Variants in GIMAP1 observed in about 807,000 individuals in gnomAD.
GIMAP1 encodes GTPase IMAP family member 1.
For missense variants in GIMAP1, 423 were observed against 411.9 expected, an observed-to-expected ratio of 1.03 and a Z score of -0.23; for synonymous variants, 230 against 187.7, an observed-to-expected ratio of 1.23 and a Z score of -1.84.
In GIMAP1 at chr7:150,720,743, G is replaced by T. The variant is rs1476231665; in HGVS notation, c.739G>T (p.Val247Leu). ...EERLRRVAERVAARVQRRPWG... is the reference protein window; with the variant it reads ...EERLRRVAERLAARVQRRPWG... ...GCGGCTCCGGCGGGTGGCGGAGCGC[G>T]TGGCAGCCAGGGTGCAGAGGAGGCC... The change falls in exon 3 of 3, where the codon GTG becomes TTG. Residue 247 changes from valine (V) to leucine (L), a missense_variant. By Grantham distance (32) the Val-to-Leu change is conservative. Transcript: ENST00000307194. The surrounding 1 kb of genome is among the most constrained non-coding windows in gnomAD (Gnocchi z 4.5). The T allele has an allele frequency of 3.8e-6, 6 of 1,565,836 alleles. No individual in the cohort carries two copies. Among genetic ancestry groups the T allele is most frequent in the East Asian group, 2.4e-5 (1 of 41,944 alleles).
rs1289048402 is a variant in GIMAP1, at chr7:150,721,801, AAAAAAG to A, written c.*881_*886del. The stretch of plus-strand genomic sequence containing the variant: ...AAAGCAAGAATCTGTCTCAAAAAAA[AAAAAAG>A]AAAAGAAAAGAAAAAGAAAAAGAGT... On this transcript the variant is annotated 3_prime_UTR_variant, in exon 3 of 3. Coordinates refer to ENST00000307194, the MANE Select transcript of GIMAP1 (RefSeq NM_130759.4). The A allele has an allele frequency of 2.8e-5, 4 of 142,528 alleles. No individual in the cohort carries two copies. Among genetic ancestry groups the A allele is most frequent in the African/African-American group, 1.2e-4 (4 of 34,278 alleles). The allele number at this position is 142,528 out of a possible 1,614,324, so 8.8% of individuals were successfully genotyped here.
intron 1 of GIMAP1, among the ~76,000 whole-genome samples, chr7:150,718,257 T>C (rs1479741479): frequency 3.3e-5 from 5 of 152,180 alleles, no homozygotes; most frequent in African/African-American, 9.7e-5. Context: ...TATTACACAA[T>C]GTTAGATTTC....
chr7:150,719,685 T>C (rs1797267821), intron 2 of GIMAP1, among the ~76,000 whole-genome samples: 1 of 152,212 alleles, frequency 6.6e-6, no homozygotes, highest in Non-Finnish European at 1.5e-5. Context: ...TCCACACAGC[T>C]CTTCACTACC....
rs749622663 is a variant in GIMAP1 at position 150,720,301 on chromosome 7, G to A, written c.297G>A (p.Glu99=). ...TGTCCAAGACAGATCCTGGCTGTGA[G>A]GAGAGAGGTCACTGCTACCTGCTCT... The part of the protein sequence containing the change: ...SQVSKTDPGC[E]ERGHCYLLSA... Residue 99 remains glutamate (E), a synonymous_variant, in exon 3 of 3, where the codon GAG becomes GAA. Coordinates refer to ENST00000307194, the MANE Select transcript of GIMAP1 (RefSeq NM_130759.4). This position sits in a 1 kb window ranked among gnomAD's most constrained non-coding sequence, Gnocchi z 4.5. The A allele has an allele frequency of 4.3e-6, 7 of 1,614,226 alleles. No homozygotes were observed. Among genetic ancestry groups the A allele is most frequent in the African/African-American group, 4.0e-5 (3 of 75,066 alleles).
chr7:150,718,952 A>T, intron 1 of GIMAP1, 90 bp from the exon 2 acceptor site: 1 of 1,544,440 alleles, frequency 6.5e-7, no homozygotes, highest in Non-Finnish European at 8.9e-7. Flanking sequence ...ACTTTGCCTG[A>T]CACCCTGTAG....
At chr7:150,717,327 C>A (rs1797231757) in intron 1 of GIMAP1, among the ~76,000 whole-genome samples, 1 of 152,158 alleles carries the variant, frequency 6.6e-6, no homozygotes, top group Non-Finnish European at 1.5e-5. Flanking sequence ...AAGTTCTGAG[C>A]TGTGGACATC....
chr7:150,718,982 G>A (rs1797254558), intron 1 of GIMAP1, 60 bp from the exon 2 acceptor site: 2 of 1,599,722 alleles, frequency 1.3e-6, no homozygotes, highest in South Asian at 2.2e-5. Flanking sequence ...CCTATTTGTG[G>A]TTATGCCTAT....
At position 150,720,566 on chromosome 7, in the gene GIMAP1, T is replaced by A; in HGVS notation, c.562T>A (p.Phe188Ile). 2 of 1,613,578 alleles carry A rather than the reference T, an allele frequency of 1.2e-6. No homozygotes were observed. Among genetic ancestry groups the A allele is most frequent in the Non-Finnish European group, 1.7e-6 (2 of 1,179,766 alleles). ...VAECGGRVCA[F>I]DNRATGREQE... is the part of the protein sequence containing the mutation. ...CGAGTGCGGGGGCCGGGTCTGTGCC[T>A]TTGATAACCGGGCCACCGGCCGGGA... The change falls in exon 3 of 3, where the codon TTT becomes ATT. Residue 188 changes from phenylalanine to isoleucine, a missense_variant. Transcript: ENST00000307194. This position sits in a 1 kb window ranked among gnomAD's most constrained non-coding sequence, Gnocchi z 4.5.
Position 150,724,061 on chromosome 7 carries a change from C to G in GIMAP1, c.*3136C>G, listed in dbSNP as rs1262775313. 2 of 152,086 alleles carry G rather than the reference C, an allele frequency of 1.3e-5. No individual in the cohort carries two copies. The highest frequency in any genetic ancestry group is 2.9e-5 in the Non-Finnish European group (2 of 68,016). The allele number at this position is 152,086 out of a possible 1,614,324, so 9.4% of individuals were successfully genotyped here. ...TTCAGTTCCAGCCCGCACAGTAGCC[C>G]TAGCAAATGCCAGTGCTCCTTCCAG... On this transcript the variant is annotated 3_prime_UTR_variant, in exon 3 of 3. Coordinates refer to ENST00000307194, the MANE Select transcript of GIMAP1 (RefSeq NM_130759.4).
chr7:150,720,922 C>G lies in GIMAP1; in HGVS notation c.918C>G (p.Asp306Glu). The change falls in exon 3 of 3, where the codon GAC becomes GAG. Residue 306 changes from aspartate to glutamate, a missense_variant. Asp to Glu is a conservative substitution (Grantham distance 45). Coordinates refer to ENST00000307194, the MANE Select transcript of GIMAP1 (RefSeq NM_130759.4). This position sits in a 1 kb window ranked among gnomAD's most constrained non-coding sequence, Gnocchi z 4.5. ...AGGCCGTTGCGGAGGTCGGGCCTGA[C>G]TGACAGCGCAGGTCCTAAAACTGAA... Reference protein sequence around the residue: ...WSEAVAEVGPD With the variant: ...WSEAVAEVGPE 3.9e-6 allele frequency: 6 copies of G among 1,551,514 alleles called. No individual in the cohort carries two copies. In the Admixed American group the frequency reaches 9.6e-5, roughly 25 times the overall value.
Position 150,720,978 on chromosome 7 carries a change from G to A in GIMAP1, c.*53G>A. The stretch of plus-strand genomic sequence containing the variant: ...CTTGGTTAAGGGAGGCTGAATTCTT[G>A]GAGCTGAAGGGAAAACTTCATTCCA... On this transcript the variant is annotated 3_prime_UTR_variant, in exon 3 of 3. Coordinates refer to ENST00000307194, the MANE Select transcript of GIMAP1 (RefSeq NM_130759.4). The surrounding 1 kb of genome is among the most constrained non-coding windows in gnomAD (Gnocchi z 4.5). 5 of 1,413,472 alleles carry A rather than the reference G, an allele frequency of 3.5e-6. No individual in the cohort carries two copies. In the South Asian group the frequency reaches 7.4e-5, roughly 21 times the overall value. The allele number at this position is 1,413,472 out of a possible 1,614,324, so 87.6% of individuals were successfully genotyped here. A position where few individuals can be genotyped will look rare whatever the true frequency, so the allele number is the denominator to read the frequency against.
chr7:150,720,313 C>T lies in GIMAP1; in HGVS notation c.309C>T (p.His103=). The T allele has an allele frequency of 6.2e-7, 1 of 1,614,216 alleles. No homozygotes were observed. The highest frequency in any genetic ancestry group is 8.5e-7 in the Non-Finnish European group (1 of 1,180,034). ...KTDPGCEERG[H]CYLLSAPGPH... is the part of the protein sequence containing the mutation. ...ATCCTGGCTGTGAGGAGAGAGGTCA[C>T]TGCTACCTGCTCTCGGCCCCCGGAC... Residue 103 remains histidine (H), a synonymous_variant, in exon 3 of 3, where the codon CAC becomes CAT. Coordinates refer to ENST00000307194, the MANE Select transcript of GIMAP1 (RefSeq NM_130759.4). The surrounding 1 kb of genome is among the most constrained non-coding windows in gnomAD (Gnocchi z 4.5).
intron 1 of GIMAP1, among the ~76,000 whole-genome samples, chr7:150,717,913 A>G (rs999559244): frequency 2.0e-5 from 3 of 152,168 alleles, no homozygotes; most frequent in African/African-American, 7.2e-5. Context: ...AAGTCCTTCA[A>G]TCAAAGACAA....
At position 150,722,386 on chromosome 7, in the gene GIMAP1, C is replaced by G. The variant is rs1427218958; in HGVS notation, c.*1461C>G. On this transcript the variant is annotated 3_prime_UTR_variant, in exon 3 of 3. Coordinates refer to ENST00000307194, the MANE Select transcript of GIMAP1 (RefSeq NM_130759.4). ...GAGGTTCCAGGTGGGTTGCGGGCTTCGGGCAGGCTATGGTGAGGGGTCCTG... is the reference window on the plus strand; with the variant it reads ...GAGGTTCCAGGTGGGTTGCGGGCTTGGGGCAGGCTATGGTGAGGGGTCCTG... The G allele has an allele frequency of 6.5e-6, 1 of 152,858 alleles. No individual in the cohort carries two copies. Among genetic ancestry groups the G allele is most frequent in the African/African-American group, 2.4e-5 (1 of 41,452 alleles). The allele number at this position is 152,858 out of a possible 1,614,324, so 9.5% of individuals were successfully genotyped here.
At position 150,720,549 on chromosome 7, in the gene GIMAP1, G is replaced by C; in HGVS notation, c.545G>C (p.Gly182Ala). ...TTGCGCGAGCTGGTGGCCGAGTGCG[G>C]GGGCCGGGTCTGTGCCTTTGATAAC... Reference protein sequence around the residue: ...RALRELVAECGGRVCAFDNRA... With the variant: ...RALRELVAECAGRVCAFDNRA... Residue 182 changes from glycine to alanine, a missense_variant, in exon 3 of 3, where the codon GGG (glycine) becomes GCG (alanine). Transcript: ENST00000307194. This position sits in a 1 kb window ranked among gnomAD's most constrained non-coding sequence, Gnocchi z 4.5. The C allele has an allele frequency of 6.2e-7, 1 of 1,612,058 alleles. No homozygotes were observed. Among genetic ancestry groups the C allele is most frequent in the Non-Finnish European group, 8.5e-7 (1 of 1,179,038 alleles).
In GIMAP1 at chr7:150,720,840, C is replaced by T; in HGVS notation, c.836C>T (p.Ala279Val). Residue 279 changes from alanine (A) to valine (V), a missense_variant, in exon 3 of 3, where the codon GCC becomes GTC. By Grantham distance (64) the Ala-to-Val change is moderately conservative. Coordinates refer to ENST00000307194, the MANE Select transcript of GIMAP1 (RefSeq NM_130759.4). The surrounding 1 kb of genome is among the most constrained non-coding windows in gnomAD (Gnocchi z 4.5). ...CCCAGGAGCTGGAGGCTGGGCCTGG[C>T]CCTGCTGCTGGGGGGCGCGCTCCTG... ...KSPRSWRLGL[A>V]LLLGGALLFW... 1 of 1,605,334 alleles carries T rather than the reference C, an allele frequency of 6.2e-7. No individual in the cohort carries two copies. Among genetic ancestry groups the T allele is most frequent in the South Asian group, 1.1e-5 (1 of 90,210 alleles).
In GIMAP1 at chr7:150,722,019, A is replaced by C. The variant is rs1797313096; in HGVS notation, c.*1094A>C. 1 of 152,216 alleles carries C rather than the reference A, an allele frequency of 6.6e-6. No individual in the cohort carries two copies. The highest frequency in any genetic ancestry group is 2.4e-5 in the African/African-American group (1 of 41,444). 9.4% of individuals were successfully genotyped at this position (152,216 alleles called of 1,614,324 possible). A position where few individuals can be genotyped will look rare whatever the true frequency, so the allele number is the denominator to read the frequency against. On this transcript the variant is annotated 3_prime_UTR_variant, in exon 3 of 3. Transcript: ENST00000307194. ...CCTGAGCATCCTATGCTGTGAGGCG[A>C]AAGCATCCGGTTTTTTCGGGATGGG...
At position 150,720,952 on chromosome 7, in the gene GIMAP1, A is replaced by G. The variant is rs1797295248; in HGVS notation, c.*27A>G. The G allele has an allele frequency of 3.4e-6, 5 of 1,491,244 alleles. No homozygotes were observed. Among genetic ancestry groups the G allele is most frequent in the African/African-American group, 1.4e-5 (1 of 69,852 alleles). The allele number at this position is 1,491,244 out of a possible 1,614,324, so 92.4% of individuals were successfully genotyped here. On this transcript the variant is annotated 3_prime_UTR_variant, in exon 3 of 3. Transcript: ENST00000307194. The surrounding 1 kb of genome is among the most constrained non-coding windows in gnomAD (Gnocchi z 4.5). The stretch of plus-strand genomic sequence containing the variant: ...AGCGCAGGTCCTAAAACTGAAGGCA[A>G]CTTGGTTAAGGGAGGCTGAATTCTT...
chr7:150,719,352 C>T (rs1797261856), intron 2 of GIMAP1: 4 of 478,990 alleles, frequency 8.4e-6, no homozygotes, highest in Admixed American at 7.0e-5. Context: ...AGAAGAAGTG[C>T]AGAGGGGATT....
Sources: gnomAD v4.1 joint callset for allele counts (sites outside exome capture counted in the v4.1 genomes callset) on GRCh38, gnomAD v4.1.1 for gene constraint, Gnocchi (gnomAD v3.1) non-coding constraint, MANE v1.5 for transcripts, NCBI Gene and HGNC (gene_info 2026-07-23, HGNC 2026-07-21) for gene names.